ATG13: variants seen among roughly 807,000 people sequenced by gnomAD.
The protein encoded by ATG13 is autophagy-related protein 13.
A neutral mutation model predicts 65.5 loss-of-function variants in ATG13; 23 were observed. That is an observed-to-expected ratio of 0.35 (90% CI 0.25 to 0.50). The LOEUF is 0.50. Ranked by LOEUF, ATG13 falls within the 20% of genes least tolerant of loss-of-function variation. ATG13 has a pLI of 0.98. For missense variants in ATG13, 566 were observed against 677.0 expected, an observed-to-expected ratio of 0.84 and a Z score of 1.82; for synonymous variants, 252 against 245.2, an observed-to-expected ratio of 1.03 and a Z score of -0.26.
intron 2 of ATG13, among the ~76,000 whole-genome samples, chr11:46,642,225 A>G (rs775773440): frequency 1.3e-5 from 2 of 150,184 alleles, no homozygotes; most frequent in African/African-American, 4.9e-5. Flanking sequence ...CATGTTTAAA[A>G]CTCTGCTACT....
At chr11:46,642,182 T>C (rs1380629973) in intron 2 of ATG13, among the ~76,000 whole-genome samples, 1 of 152,216 alleles carries the variant, frequency 6.6e-6, no homozygotes, top group Non-Finnish European at 1.5e-5. Flanking sequence ...CTTCCCTGTT[T>C]TTGTTAAATG....
chr11:46,622,849 A>G (rs920465447), intron 1 of ATG13, among the ~76,000 whole-genome samples: 1 of 152,152 alleles, frequency 6.6e-6, no homozygotes, highest in East Asian at 1.9e-4. Context: ...TCGGGGTGCA[A>G]TTTTGTTTAT....
At chr11:46,667,678 C>A in intron 14 of ATG13, 95 bp from the exon 15 acceptor site, 1 of 947,924 alleles carries the variant, frequency 1.1e-6, no homozygotes, top group Non-Finnish European at 1.6e-6. Context: ...AACTCCTGCC[C>A]TAGGCCACAG....
At chr11:46,623,047 C>T (rs566841648) in intron 1 of ATG13, among the ~76,000 whole-genome samples, 4 of 152,172 alleles carry the variant, frequency 2.6e-5, no homozygotes, top group South Asian at 2.1e-4. Context: ...GTAATCCCAG[C>T]ACTTTGGGAG....
rs905030149 is a variant in ATG13, at chr11:46,645,323, T to G, written c.70-16T>G. The G allele has an allele frequency of 4.0e-5, 62 of 1,534,508 alleles. No homozygotes were observed. Among genetic ancestry groups the G allele is most frequent in the Non-Finnish European group, 5.4e-5 (61 of 1,127,654 alleles). The stretch of plus-strand genomic sequence containing the variant: ...TCATCATTTTAGGATTTCTTTTGTG[T>G]TTTTTTTTTCTTTAGACTGTCCAAG... On this transcript the variant is annotated splice_polypyrimidine_tract_variant and intron_variant, in intron 3 of 18. Transcript: ENST00000683050.
intron 6 of ATG13, among the ~76,000 whole-genome samples, 195 bp downstream of exon 6, chr11:46,649,378 T>G (rs2058439131): frequency 6.6e-6 from 1 of 152,196 alleles, no homozygotes; most frequent in Non-Finnish European, 1.5e-5. Flanking sequence ...AGAGGGAACA[T>G]CAGTCCAGAG....
intron 8 of ATG13, 35 bp from the exon 9 acceptor site, chr11:46,657,060 T>C: frequency 6.4e-7 from 1 of 1,557,796 alleles, no homozygotes; most frequent in Non-Finnish European, 8.9e-7. Flanking sequence ...CAGTATTCTC[T>C]GCAAAAGAAG....
At position 46,630,098 on chromosome 11, in the gene ATG13, C is replaced by T. The variant is rs900165886; in HGVS notation, c.-16C>T. On this transcript the variant is annotated splice_region_variant and 5_prime_UTR_variant, in exon 2 of 19. Coordinates refer to ENST00000683050, the MANE Select transcript of ATG13 (RefSeq NM_001346311.2). ...TCAGCCTCCTGAGTAGCTGGGACTA[C>T]AGGTATGTGCCACCAGGCCCCATTT... is the stretch of plus-strand genomic sequence containing the variant. 2.0e-5 allele frequency: 3 copies of T among 152,142 alleles called. No individual in the cohort carries two copies. Among genetic ancestry groups the T allele is most frequent in the African/African-American group, 7.2e-5 (3 of 41,412 alleles). The allele number at this position is 152,142 out of a possible 1,614,324, so 9.4% of individuals were successfully genotyped here. A position where few individuals can be genotyped will look rare whatever the true frequency, so the allele number is the denominator to read the frequency against.
At chr11:46,646,179 C>T (rs1344463459) in intron 5 of ATG13, among the ~76,000 whole-genome samples, 190 bp downstream of exon 5, 1 of 152,080 alleles carries the variant, frequency 6.6e-6, no homozygotes, top group Non-Finnish European at 1.5e-5. Flanking sequence ...GACTGAGTCT[C>T]GATCTGTCGC....
At chr11:46,630,990 A>G (rs768054898) in intron 2 of ATG13, 1 of 152,038 alleles carries the variant, frequency 6.6e-6, no homozygotes, top group Non-Finnish European at 1.5e-5. Flanking sequence ...GGGATTACCT[A>G]TGTGAGTCAC....
intron 12 of ATG13, 32 bp downstream of exon 12, chr11:46,664,127 T>A (rs2061774235): frequency 7.2e-7 from 1 of 1,396,724 alleles, no homozygotes; most frequent in African/African-American, 1.4e-5. Context: ...GGGGATATAA[T>A]CAGATGGCAT....
intron 2 of ATG13, among the ~76,000 whole-genome samples, chr11:46,634,038 C>A (rs1246941795): frequency 1.3e-5 from 2 of 152,092 alleles, no homozygotes; most frequent in Non-Finnish European, 2.9e-5. Context: ...GTCAGCAGGC[C>A]TCTGATCGCC....
intron 1 of ATG13, among the ~76,000 whole-genome samples, chr11:46,622,125 A>ATATATATTTT (rs2047898207): frequency 3.8e-5 from 3 of 79,030 alleles, no homozygotes; most frequent in African/African-American, 1.6e-4. Context: ...ATATATATAT[A>ATATATATTTT]TATTTATTTT....
chr11:46,640,176 A>T (rs2055476975), intron 2 of ATG13, among the ~76,000 whole-genome samples: 1 of 152,186 alleles, frequency 6.6e-6, no homozygotes, highest in African/African-American at 2.4e-5. Context: ...AAGTCTTATG[A>T]TTCTAACATC....
intron 7 of ATG13, among the ~76,000 whole-genome samples, chr11:46,652,703 ACT>A (rs1232006816): frequency 4.6e-5 from 7 of 152,218 alleles, no homozygotes; most frequent in African/African-American, 1.7e-4. Context: ...ACAGAGCAAG[ACT>A]CTGTCTCAAA....
At chr11:46,672,225 A>T in intron 18 of ATG13, 30 bp from the exon 19 acceptor site, 1 of 1,614,066 alleles carries the variant, frequency 6.2e-7, no homozygotes, top group East Asian at 2.2e-5. Context: ...CTGCCTGAAT[A>T]AACGGCTCTT....
At chr11:46,650,935 C>G (rs2058771553) in intron 7 of ATG13, among the ~76,000 whole-genome samples, 1 of 152,146 alleles carries the variant, frequency 6.6e-6, no homozygotes, top group Non-Finnish European at 1.5e-5. Context: ...ACAGTCTATA[C>G]TGGGAAGATT....
At chr11:46,654,353 C>T (rs2059593836) in intron 7 of ATG13, among the ~76,000 whole-genome samples, 2 of 147,234 alleles carry the variant, frequency 1.4e-5, no homozygotes, top group Non-Finnish European at 3.0e-5. Flanking sequence ...TTATCAAACT[C>T]TAGTACATTC....
chr11:46,649,306 A>G lies in ATG13; in HGVS notation c.317+123A>G, dbSNP rs113203272. On this transcript the variant is annotated intron_variant, in intron 6 of 18. Coordinates refer to ENST00000683050, the MANE Select transcript of ATG13 (RefSeq NM_001346311.2). The stretch of plus-strand genomic sequence containing the variant: ...GCATTCTGACCACTTAACAAAGCCA[A>G]TAGGTCTTTGCTACAATTTGCTTCA... 3.8e-3 allele frequency: 4,238 copies of G among 1,103,106 alleles called. 73 individuals are homozygous for G. The African/African-American group carries it at 0.042, about 11-fold the overall frequency. 68.3% of individuals were successfully genotyped at this position (1,103,106 alleles called of 1,614,324 possible).
Sources: allele counts gnomAD v4.1 joint callset (sites outside exome capture counted in the v4.1 genomes callset), GRCh38; gene constraint gnomAD v4.1.1; transcripts MANE v1.5; gene names NCBI Gene and HGNC (gene_info 2026-07-23, HGNC 2026-07-21).